Variants in MTAP observed in about 807,000 individuals in gnomAD.
MTAP encodes S-methyl-5'-thioadenosine phosphorylase.
Under a neutral mutation model 33.6 loss-of-function variants are expected in MTAP, and 33 were observed. The observed-to-expected ratio is 0.98, with a 90% CI of 0.74 to 1.31. The LOEUF (loss-of-function observed/expected upper bound fraction) is 1.31. Among genes scored for constraint, MTAP ranks in the 40% most tolerant of loss-of-function variants. The pLI, the probability that MTAP is intolerant of heterozygous loss-of-function variation, is 0.00. For missense variants in MTAP, 367 were observed against 360.0 expected (o/e 1.02, Z -0.16); for synonymous variants, 148 against 125.7 (o/e 1.18, Z -1.19).
chr9:21,809,348 A>G (rs549218267), intron 1 of MTAP, among the ~76,000 whole-genome samples: 2 of 152,192 alleles, frequency 1.3e-5, no homozygotes, highest in South Asian at 2.1e-4. Flanking sequence ...TTAAAAATTT[A>G]TGGTCTAGGG....
chr9:21,812,187 G>A, intron 1 of MTAP: 1 of 198,482 alleles, frequency 5.0e-6, no homozygotes, highest in Non-Finnish European at 1.0e-5. Context: ...GACCATGTTT[G>A]CGGCCAGCTT....
At chr9:21,839,228 A>C (rs542226677) in intron 5 of MTAP, among the ~76,000 whole-genome samples, 1 of 150,044 alleles carries the variant, frequency 6.7e-6, no homozygotes, top group East Asian at 2.0e-4. Flanking sequence ...TATGTATAGC[A>C]TGTTTCTGGA....
intron 4 of MTAP, among the ~76,000 whole-genome samples, chr9:21,833,557 C>T (rs1430216573): frequency 2.0e-5 from 3 of 152,164 alleles, no homozygotes; most frequent in Admixed American, 2.0e-4. Context: ...ACTGCCTATT[C>T]ACGCTGCTGT....
Position 21,818,221 on chromosome 9 carries a change from T to C in MTAP, c.347+19T>C, listed in dbSNP as rs1260193671. The C allele has an allele frequency of 6.2e-7, 1 of 1,607,362 alleles. No individual in the cohort carries two copies. The highest frequency in any genetic ancestry group is 1.3e-5 in the African/African-American group (1 of 74,292). On this transcript the variant is annotated intron_variant, in intron 4 of 7. Coordinates refer to ENST00000644715, the MANE Select transcript of MTAP (RefSeq NM_002451.4). ...TTGACAGGTAAGCAGTCATACAAAA[T>C]GCTTTAGGCTATTGTAGCTGGTCAT... is the stretch of plus-strand genomic sequence containing the variant.
At chr9:21,823,125 T>G (rs1308172777) in intron 4 of MTAP, among the ~76,000 whole-genome samples, 1 of 152,236 alleles carries the variant, frequency 6.6e-6, no homozygotes, top group African/African-American at 2.4e-5. Flanking sequence ...TTAGCCCATT[T>G]ACATTTAAGG....
chr9:21,878,451 G>GCACCTAAAA (rs1826042247), intron 1 of MTAP, among the ~76,000 whole-genome samples: 1 of 151,956 alleles, frequency 6.6e-6, no homozygotes, highest in African/African-American at 2.4e-5. Context: ...ATTTTAGGTG[G>GCACCTAAAA]TTAATTTGAG....
At chr9:21,850,481 C>T (rs1825484275) in intron 5 of MTAP, among the ~76,000 whole-genome samples, 1 of 152,162 alleles carries the variant, frequency 6.6e-6, no homozygotes, top group Non-Finnish European at 1.5e-5. Flanking sequence ...TTCCAGGCTG[C>T]TGTGCAAACT....
chr9:21,818,274 A>AACTGGGGGGACG, intron 4 of MTAP, 72 bp downstream of exon 4: 1 of 1,271,784 alleles, frequency 7.9e-7, no homozygotes, highest in South Asian at 1.3e-5. Context: ...GACGCGTGGG[A>AACTGGGGGGACG]ACCGGCAGGG....
Position 21,835,057 on chromosome 9 carries a change from A to C in MTAP, c.348-2851A>C, listed in dbSNP as rs138803680. On this transcript the variant is annotated intron_variant, in intron 4 of 7. Transcript: ENST00000644715. ...CCTGGAGGCTGGGAAGTCCAAAAAAAGTTGCCAGCAGATTTGGTGTCTGGT... is the reference window on the plus strand; with the variant it reads ...CCTGGAGGCTGGGAAGTCCAAAAAACGTTGCCAGCAGATTTGGTGTCTGGT... 7.5e-3 allele frequency among the ~76,000 whole-genome samples: 1,138 copies of C among 152,322 alleles called. 9 individuals carry two copies. The highest frequency in any genetic ancestry group is 0.01 in the Non-Finnish European group (703 of 68,020).
At chr9:21,850,045 C>G (rs7047826) in intron 5 of MTAP, among the ~76,000 whole-genome samples, 38,299 of 152,162 alleles carry the variant, frequency 0.25, 5,244 homozygotes, top group East Asian at 0.41. Flanking sequence ...TAATCTTATT[C>G]AGAGAGAACT....
At chr9:21,845,657 C>T (rs1825361596) in intron 5 of MTAP, among the ~76,000 whole-genome samples, 1 of 152,066 alleles carries the variant, frequency 6.6e-6, no homozygotes. Flanking sequence ...CATCATTCTT[C>T]ACAGAAATAT....
intron 1 of MTAP, among the ~76,000 whole-genome samples, chr9:21,914,904 CATATA>C (rs1818649988): frequency 6.6e-6 from 1 of 151,286 alleles, no homozygotes; most frequent in African/African-American, 2.4e-5. Context: ...TGAAAAGAGT[CATATA>C]ATATATGGCC....
chr9:21,871,752 A>G (rs1012702187), downstream of MTAP, among the ~76,000 whole-genome samples: 1 of 151,852 alleles, frequency 6.6e-6, no homozygotes, highest in African/African-American at 2.4e-5. Context: ...CCTGTTTTGT[A>G]CTCCCAAACC....
In MTAP at chr9:21,815,430, T is replaced by G; in HGVS notation, c.34-3T>G. On this transcript the variant is annotated splice_polypyrimidine_tract_variant and splice_region_variant and intron_variant, in intron 1 of 7. Transcript: ENST00000644715. ...TAATCTTCTCTGTCTTTTTCTCTCT[T>G]AGATTGGAATAATTGGTGGAACAGG... is the stretch of plus-strand genomic sequence containing the variant. The G allele has an allele frequency of 6.3e-7, 1 of 1,581,426 alleles. No individual in the cohort carries two copies. Among genetic ancestry groups the G allele is most frequent in the Non-Finnish European group, 8.6e-7 (1 of 1,159,402 alleles).
intron 2 of MTAP, among the ~76,000 whole-genome samples, chr9:21,815,931 A>G (rs938659337): frequency 3.3e-5 from 5 of 152,180 alleles, no homozygotes; most frequent in Non-Finnish European, 7.3e-5. Flanking sequence ...GCGGCATTTG[A>G]GTGGAAAGAA....
chr9:21,834,982 C>G (rs778423252), intron 4 of MTAP, among the ~76,000 whole-genome samples: 2 of 152,246 alleles, frequency 1.3e-5, no homozygotes, highest in Non-Finnish European at 2.9e-5. Context: ...GTTGATACAA[C>G]GGAATACCAT....
At chr9:21,882,888 T>G (rs1187201154) in intron 1 of MTAP, among the ~76,000 whole-genome samples, 5 of 151,980 alleles carry the variant, frequency 3.3e-5, no homozygotes, top group African/African-American at 1.2e-4. Flanking sequence ...AAAGTGTCAC[T>G]GGAAATTTTG....
intron 4 of MTAP, among the ~76,000 whole-genome samples, chr9:21,836,390 G>C (rs555664756): frequency 6.6e-6 from 1 of 152,252 alleles, no homozygotes. Context: ...ACAAAGGCGG[G>C]GGTTCCAAGG....
At chr9:21,867,214 A>G (rs1825866602), downstream of MTAP, 2 of 152,174 alleles carry the variant, frequency 1.3e-5, no homozygotes, top group Non-Finnish European at 2.9e-5. Flanking sequence ...CTTCAACCTA[A>G]TGTTGAATAG....
Sources: gnomAD v4.1 joint callset for allele counts (sites outside exome capture counted in the v4.1 genomes callset) on GRCh38, gnomAD v4.1.1 for gene constraint, MANE v1.5 for transcripts, NCBI Gene and HGNC (gene_info 2026-07-23, HGNC 2026-07-21) for gene names.